The following TAB2 variants were observed in gnomAD, a reference collection of about 807,000 sequenced individuals.
TAB2 encodes TGF-beta activated kinase 1 (MAP3K7) binding protein 2.
In TAB2, 3 loss-of-function variants were observed where a neutral mutation model predicts 65.0. That is an observed-to-expected ratio of 0.05 (90% confidence interval 0.02 to 0.12). The LOEUF (loss-of-function observed/expected upper bound fraction) is 0.12, where lower values mean the gene tolerates loss of function less well. TAB2 is among the 10% of genes least tolerant of loss of function. The pLI is 1.00. For missense variants in TAB2, 623 were observed against 840.3 expected, an observed-to-expected ratio of 0.74 and a Z score of 3.20; for synonymous variants, 298 against 285.1, an observed-to-expected ratio of 1.05 and a Z score of -0.46.
chr6:149,300,036 T>G (rs1343649608), intron 1 of TAB2, among the ~76,000 whole-genome samples: 1 of 152,146 alleles, frequency 6.6e-6, no homozygotes, highest in African/African-American at 2.4e-5. Flanking sequence ...TGTTGCTAGA[T>G]AAAAGCTTCT....
Position 149,379,006 on chromosome 6 carries a change from A to C in TAB2, c.1091A>C (p.Gln364Pro). 6.2e-7 allele frequency: 1 copy of C among 1,614,222 alleles called. No homozygotes were observed. Among genetic ancestry groups the C allele is most frequent in the African/African-American group, 1.3e-5 (1 of 75,048 alleles). ...AATAGCCAGACCTTAAACAGAAATC[A>C]GCCCACTGTTTACATAGCTGCCAGC... ...SVNSQTLNRN[Q>P]PTVYIAASPP... Residue 364 changes from glutamine (Q) to proline (P), a missense_variant, in exon 3 of 7, where the codon CAG becomes CCG. Physicochemically the swap from Gln to Pro is moderately conservative, Grantham distance 76 (BLOSUM62 -1). This residue lies in a region of TAB2 where 550 missense variants were observed against 665.7 expected (regional missense o/e 0.83). Coordinates refer to ENST00000637181, the MANE Select transcript of TAB2 (RefSeq NM_001292034.3).
At chr6:149,232,919 T>C (rs1352051988) in intron 1 of TAB2, among the ~76,000 whole-genome samples, 1 of 152,174 alleles carries the variant, frequency 6.6e-6, no homozygotes, top group African/African-American at 2.4e-5. Flanking sequence ...GGGATGCTGC[T>C]GTACTTCCCT....
At chr6:149,406,547 G>A (rs925953191) in intron 6 of TAB2, among the ~76,000 whole-genome samples, 1 of 152,010 alleles carries the variant, frequency 6.6e-6, no homozygotes, top group Non-Finnish European at 1.5e-5. Flanking sequence ...ACCAAATCCA[G>A]CCTGCCGTCT....
At chr6:149,341,013 A>G (rs1436562316) in intron 1 of TAB2, among the ~76,000 whole-genome samples, 4 of 152,144 alleles carry the variant, frequency 2.6e-5, no homozygotes, top group Non-Finnish European at 4.4e-5. Flanking sequence ...TTGCCCATAT[A>G]TAAGGCTTTT....
chr6:149,377,143 C>A (rs193226214), intron 2 of TAB2, among the ~76,000 whole-genome samples: 2,244 of 150,434 alleles, frequency 0.015, 56 homozygotes, highest in African/African-American at 0.052. Context: ...AGTCTCGGCT[C>A]ACTGCAAGCT....
At chr6:149,349,927 G>T (rs977789542) in intron 1 of TAB2, among the ~76,000 whole-genome samples, 2 of 151,886 alleles carry the variant, frequency 1.3e-5, no homozygotes, top group Non-Finnish European at 2.9e-5. Context: ...ATACATGCAT[G>T]CATTCATTCA....
intron 3 of TAB2, among the ~76,000 whole-genome samples, chr6:149,393,347 A>G (rs1024750896): frequency 6.6e-6 from 1 of 152,226 alleles, no homozygotes; most frequent in African/African-American, 2.4e-5. Context: ...ACTAATCATA[A>G]GAGATACTTT....
intron 6 of TAB2, among the ~76,000 whole-genome samples, chr6:149,403,144 GA>G (rs1438088001): frequency 1.3e-5 from 2 of 150,530 alleles, no homozygotes; most frequent in Non-Finnish European, 3.0e-5. Flanking sequence ...TGAGGCAGGA[GA>G]ATCGCTTGAA....
In TAB2 at chr6:149,378,667, C is replaced by T. The variant is rs749645606; in HGVS notation, c.752C>T (p.Ser251Leu). 6.2e-7 allele frequency: 1 copy of T among 1,613,714 alleles called. No individual in the cohort carries two copies. The highest frequency in any genetic ancestry group is 1.3e-5 in the African/African-American group (1 of 75,038). Reference sequence around the variant, plus strand: ...AACCCTCAGCAAGTTTATCAGCCTTCACAGCCTGGTCCCTGGACTACTTGT... The same window carrying T: ...AACCCTCAGCAAGTTTATCAGCCTTTACAGCCTGGTCCCTGGACTACTTGT... Reference protein sequence around the residue: ...PMNPQQVYQPSQPGPWTTCPA... With the variant: ...PMNPQQVYQPLQPGPWTTCPA... Residue 251 changes from serine to leucine, a missense_variant, in exon 3 of 7, where the codon TCA becomes TTA. Coordinates refer to ENST00000637181, the MANE Select transcript of TAB2 (RefSeq NM_001292034.3).
chr6:149,341,048 C>T (rs1386687363), intron 1 of TAB2, among the ~76,000 whole-genome samples: 4 of 152,018 alleles, frequency 2.6e-5, no homozygotes, highest in African/African-American at 9.7e-5. Context: ...CATTTCCTAA[C>T]TTAAGGACCA....
In TAB2 at chr6:149,409,561, T is replaced by G. The variant is rs1026187935; in HGVS notation, c.1940-16T>G. ...GTGATTTTTTACTTATAAAATAATTTTTTTCTTTCTTACAGATCAAAGGTC... is the reference window on the plus strand; with the variant it reads ...GTGATTTTTTACTTATAAAATAATTGTTTTCTTTCTTACAGATCAAAGGTC... On this transcript the variant is annotated splice_polypyrimidine_tract_variant and intron_variant, in intron 6 of 6. Transcript: ENST00000637181. 11 of 1,609,924 alleles carry G rather than the reference T, an allele frequency of 6.8e-6. No homozygotes were observed. The African/African-American group carries it at 1.5e-4, about 22-fold the overall frequency.
chr6:149,282,859 C>A (rs1330638972), intron 1 of TAB2, among the ~76,000 whole-genome samples: 2 of 152,178 alleles, frequency 1.3e-5, no homozygotes, highest in Non-Finnish European at 2.9e-5. Context: ...TTATTATCTT[C>A]AGACAAAAAC....
intron 1 of TAB2, among the ~76,000 whole-genome samples, chr6:149,309,861 A>G (rs1274824366): frequency 7.2e-6 from 1 of 139,818 alleles, no homozygotes; most frequent in African/African-American, 3.0e-5. Context: ...CCCAGGACAC[A>G]CTGTGTGTGT....
intron 3 of TAB2, among the ~76,000 whole-genome samples, chr6:149,381,773 A>G (rs531004012): frequency 2.0e-4 from 31 of 151,590 alleles, no homozygotes; most frequent in African/African-American, 5.8e-4. Flanking sequence ...GGGTCTCCCT[A>G]TGTTGCCCAG....
chr6:149,275,298 AAG>A (rs55665692), intron 1 of TAB2, among the ~76,000 whole-genome samples: 1 of 135,316 alleles, frequency 7.4e-6, no homozygotes, highest in Non-Finnish European at 1.6e-5. Context: ...GAAAGAAAGA[AAG>A]AGAAAAAAGA....
chr6:149,305,382 C>T (rs1277969647), intron 1 of TAB2, among the ~76,000 whole-genome samples: 1 of 152,130 alleles, frequency 6.6e-6, no homozygotes, highest in Non-Finnish European at 1.5e-5. Flanking sequence ...AAATCGAAAT[C>T]CTGCATTAGT....
At chr6:149,229,099 A>T (rs1460209322) in intron 1 of TAB2, among the ~76,000 whole-genome samples, 1 of 152,256 alleles carries the variant, frequency 6.6e-6, no homozygotes, top group Non-Finnish European at 1.5e-5. Context: ...CAGATCCATT[A>T]GAAGAATAAA....
intron 1 of TAB2, among the ~76,000 whole-genome samples, chr6:149,306,514 C>T (rs370031626): frequency 6.7e-6 from 1 of 149,852 alleles, no homozygotes; most frequent in Admixed American, 6.7e-5. Context: ...GCCAAGATCG[C>T]GCCACTGCAC....
intron 1 of TAB2, among the ~76,000 whole-genome samples, chr6:149,328,832 T>C (rs1779695678): frequency 6.6e-6 from 1 of 152,134 alleles, no homozygotes; most frequent in Admixed American, 6.5e-5. Flanking sequence ...TTAGGCAGTA[T>C]CTCCTATTCA....
Sources: allele counts gnomAD v4.1 joint callset (sites outside exome capture counted in the v4.1 genomes callset), GRCh38; gene constraint gnomAD v4.1.1; regional missense constraint gnomAD v4.1.1; transcripts MANE v1.5; gene names NCBI Gene and HGNC (gene_info 2026-07-23, HGNC 2026-07-21).